Variants in RERE observed in about 807,000 individuals in gnomAD.
The protein encoded by RERE is arginine-glutamic acid dipeptide repeats protein.
In RERE, 40 loss-of-function variants were observed where a neutral mutation model predicts 146.1. The ratio of observed to expected loss-of-function variants is 0.27; its 90% CI spans 0.21 to 0.36. The LOEUF (loss-of-function observed/expected upper bound fraction) is 0.36, where lower values mean the gene tolerates loss of function less well. RERE is among the 10% of genes least tolerant of loss of function. RERE has a pLI of 1.00. For synonymous variants in RERE, 1,003 were observed against 866.0 expected, an observed-to-expected ratio of 1.16 and a Z score of -2.78; for missense variants, 1,933 against 2,138.7, an observed-to-expected ratio of 0.90 and a Z score of 1.90.
chr1:8,726,359 T>C (rs1009883837), intron 1 of RERE, among the ~76,000 whole-genome samples: 3 of 152,076 alleles, frequency 2.0e-5, no homozygotes, highest in Admixed American at 1.3e-4. Flanking sequence ...ATCACCATGT[T>C]GGTCAGGCTG....
At chr1:8,781,749 T>C (rs1216564886) in intron 1 of RERE, among the ~76,000 whole-genome samples, 1 of 151,482 alleles carries the variant, frequency 6.6e-6, no homozygotes, top group Non-Finnish European at 1.5e-5. Context: ...GGCCAATTTC[T>C]ACCGAGGCCT....
At chr1:8,498,703 A>AAAAT (rs1553175207) in intron 8 of RERE, among the ~76,000 whole-genome samples, 1 of 135,006 alleles carries the variant, frequency 7.4e-6, no homozygotes, top group African/African-American at 3.0e-5. Context: ...CTCAAAAAAA[A>AAAAT]AAAAAATAAA....
chr1:8,518,558 G>C (rs1409305531), intron 7 of RERE, among the ~76,000 whole-genome samples: 1 of 152,204 alleles, frequency 6.6e-6, no homozygotes, highest in Admixed American at 6.5e-5. Flanking sequence ...GAAGAAGTCT[G>C]TGGGTCCAGA....
rs545034281 is a variant in RERE at position 8,698,461 on chromosome 1, C to T, written c.-144-42020G>A. 1.2e-4 allele frequency among the ~76,000 whole-genome samples: 19 copies of T among 152,280 alleles called. No homozygotes were observed. The South Asian group carries it at 1.9e-3, about 15-fold the overall frequency. ...GCACACACCATCTGGAGGCTTTTGA[C>T]TTAAGCGATTTTTCAAATGCACAGT... is the stretch of plus-strand genomic sequence containing the variant. On this transcript the variant is annotated intron_variant, in intron 1 of 22. Coordinates refer to ENST00000400908, the MANE Select transcript of RERE (RefSeq NM_001042681.2).
At chr1:8,788,876 T>C (rs1030391522) in intron 1 of RERE, among the ~76,000 whole-genome samples, 2 of 150,796 alleles carry the variant, frequency 1.3e-5, no homozygotes, top group African/African-American at 4.9e-5. Context: ...CAGTGAGGCA[T>C]AAGAGATGGC....
intron 12 of RERE, among the ~76,000 whole-genome samples, chr1:8,416,082 T>C (rs959983553): frequency 1.3e-5 from 2 of 152,238 alleles, no homozygotes; most frequent in African/African-American, 4.8e-5. Context: ...TAAACCTTTA[T>C]GACTATGTAA....
chr1:8,815,955 T>C (rs1054569209), intron 1 of RERE, among the ~76,000 whole-genome samples: 15 of 152,010 alleles, frequency 9.9e-5, no homozygotes, highest in Non-Finnish European at 1.9e-4. Context: ...TCCCAGGCCA[T>C]CAAAATCAAA....
intron 11 of RERE, among the ~76,000 whole-genome samples, chr1:8,458,086 G>T (rs771408086): frequency 4.5e-4 from 68 of 152,010 alleles, no homozygotes; most frequent in Non-Finnish European, 8.8e-5. Context: ...GTCACTATAC[G>T]TAGAATGTTC....
chr1:8,795,608 T>C (rs976574002), intron 1 of RERE, among the ~76,000 whole-genome samples: 2 of 152,208 alleles, frequency 1.3e-5, no homozygotes, highest in Non-Finnish European at 2.9e-5. Context: ...GGTCTTCTCA[T>C]GCCAACCAGG....
intron 12 of RERE, among the ~76,000 whole-genome samples, chr1:8,383,492 A>G (rs540638272): frequency 2.2e-4 from 33 of 152,244 alleles, no homozygotes; most frequent in Non-Finnish European, 4.1e-4. Flanking sequence ...GGGACTTAGA[A>G]CATCCCATTA....
At chr1:8,658,083 T>C (rs1031058768) in intron 1 of RERE, among the ~76,000 whole-genome samples, 11 of 152,190 alleles carry the variant, frequency 7.2e-5, no homozygotes, top group African/African-American at 2.7e-4. Flanking sequence ...TTACAGATAT[T>C]TTATAGCAGG....
rs185847450 is a variant in RERE at position 8,661,849 on chromosome 1, A to C, written c.-144-5408T>G. Among the ~76,000 whole-genome samples, 254 of 152,358 alleles carry C rather than the reference A, an allele frequency of 1.7e-3. 2 individuals are homozygous for C. The highest frequency in any genetic ancestry group is 2.5e-3 in the Non-Finnish European group (171 of 68,040). On this transcript the variant is annotated intron_variant, in intron 1 of 22. Transcript: ENST00000400908. ...AGATAATAATTTAGTTTTTAAAGCC[A>C]TGAGACTGAATGAGATCACCCAGGA...
intron 1 of RERE, among the ~76,000 whole-genome samples, chr1:8,700,556 A>G (rs1401264854): frequency 6.6e-6 from 1 of 152,196 alleles, no homozygotes; most frequent in Non-Finnish European, 1.5e-5. Flanking sequence ...ACACGTCTAA[A>G]AGCTTCTATG....
intron 11 of RERE, among the ~76,000 whole-genome samples, chr1:8,446,267 G>A (rs931978569): frequency 5.9e-5 from 9 of 152,128 alleles, no homozygotes; most frequent in African/African-American, 2.2e-4. Flanking sequence ...TGGGTAACCC[G>A]ACCTTTCTCT....
chr1:8,523,004 C>T (rs942290389), intron 7 of RERE, among the ~76,000 whole-genome samples: 1 of 152,044 alleles, frequency 6.6e-6, no homozygotes, highest in African/African-American at 2.4e-5. Context: ...AGGTGAAATC[C>T]CTTCTCTACA....
At chr1:8,660,049 T>C (rs1638418088) in intron 1 of RERE, among the ~76,000 whole-genome samples, 1 of 151,832 alleles carries the variant, frequency 6.6e-6, no homozygotes, top group African/African-American at 2.4e-5. Context: ...CTGCATGTTA[T>C]ATTAATATAT....
chr1:8,541,685 C>A (rs891614546), intron 6 of RERE, among the ~76,000 whole-genome samples: 1 of 151,922 alleles, frequency 6.6e-6, no homozygotes, highest in Non-Finnish European at 1.5e-5. Context: ...AAAAAATGAG[C>A]CTTTCTTCCT....
At chr1:8,546,437 A>G (rs1286753502) in intron 6 of RERE, among the ~76,000 whole-genome samples, 1 of 152,010 alleles carries the variant, frequency 6.6e-6, no homozygotes. Flanking sequence ...CTACAATTTT[A>G]TTGCATTTTA....
At chr1:8,467,256 T>C (rs1009351474) in intron 10 of RERE, among the ~76,000 whole-genome samples, 2 of 152,230 alleles carry the variant, frequency 1.3e-5, no homozygotes, top group Non-Finnish European at 2.9e-5. Flanking sequence ...CAAGTAAAGC[T>C]GAACATTCAA....
Sources: gnomAD v4.1 joint callset for allele counts (sites outside exome capture counted in the v4.1 genomes callset) on GRCh38, gnomAD v4.1.1 for gene constraint, MANE v1.5 for transcripts, NCBI Gene and HGNC (gene_info 2026-07-23, HGNC 2026-07-21) for gene names.